ZNF782: variants seen among roughly 807,000 people sequenced by gnomAD.
ZNF782 encodes the protein zinc finger protein 782.
A neutral mutation model predicts 13.0 loss-of-function variants in ZNF782; 12 were observed. That is an observed-to-expected ratio of 0.92 (90% CI 0.59 to 1.50). The LOEUF is 1.50. ZNF782 is among the 40% of genes most tolerant of loss of function. ZNF782 has a pLI of 0.00. For synonymous variants in ZNF782, 284 were observed against 283.0 expected (o/e 1.00, Z -0.04); for missense variants, 770 against 822.9 (o/e 0.94, Z 0.79).
chr9:96,912,939 G>T, the ZNF782 span, among the ~76,000 whole-genome samples: 14,756 of 151,208 alleles, frequency 0.098, 551 homozygotes, highest in Admixed American at 0.17. Flanking sequence ...TTGCTGAGTT[G>T]TTCTTAAAAA....
At chr9:96,918,405 T>C in the ZNF782 span, among the ~76,000 whole-genome samples, 18 of 140,200 alleles carry the variant, frequency 1.3e-4, no homozygotes, top group East Asian at 3.8e-3. Context: ...GGAGGCTCCA[T>C]CTCAAAAAAA....
intron 4 of ZNF782, among the ~76,000 whole-genome samples, chr9:96,843,511 G>A (rs1386153264): frequency 6.6e-6 from 1 of 152,172 alleles, no homozygotes; most frequent in Non-Finnish European, 1.5e-5. Context: ...GCAGAGATCA[G>A]GAACAATGTG....
intron 1 of ZNF782, among the ~76,000 whole-genome samples, chr9:96,864,820 A>G (rs1200249455): frequency 1.3e-5 from 2 of 150,658 alleles, no homozygotes; most frequent in East Asian, 1.9e-4. Context: ...TCACTTGATC[A>G]CAGGAGTTTA....
Position 96,836,662 on chromosome 9 carries a change from G to A in ZNF782, c.142+8228C>T, listed in dbSNP as rs561417020. Among the ~76,000 whole-genome samples, 56 of 152,262 alleles carry A rather than the reference G, an allele frequency of 3.7e-4. No homozygotes were observed. In the South Asian group the frequency reaches 5.8e-3, roughly 16 times the overall value. On this transcript the variant is annotated intron_variant, in intron 4 of 5. Transcript: ENST00000481138. ...AGCTAGGGGCAGAATGGTATGGTTT[G>A]GGTGTGGTTCATCCCTGCAAAAACT... is the stretch of plus-strand genomic sequence containing the variant.
chr9:96,897,228 C>T, the ZNF782 span, among the ~76,000 whole-genome samples: 3 of 152,212 alleles, frequency 2.0e-5, no homozygotes, highest in Non-Finnish European at 4.4e-5. Flanking sequence ...CCAAATTCTA[C>T]ATTTGCCTCC....
intron 4 of ZNF782, among the ~76,000 whole-genome samples, chr9:96,829,200 T>C (rs1439443869): frequency 6.6e-6 from 1 of 151,128 alleles, no homozygotes; most frequent in Non-Finnish European, 1.5e-5. Context: ...CTGATTTATA[T>C]AAAAAAATTT....
chr9:96,855,304 A>G (rs190564161), upstream of ZNF782, among the ~76,000 whole-genome samples: 2 of 152,264 alleles, frequency 1.3e-5, no homozygotes, highest in Non-Finnish European at 2.9e-5. Flanking sequence ...GTTTGGTTAC[A>G]TGAGTAAGTT....
the ZNF782 span, among the ~76,000 whole-genome samples, chr9:96,930,542 A>AG: frequency 2.0e-5 from 3 of 148,356 alleles, no homozygotes; most frequent in Admixed American, 2.0e-4. Flanking sequence ...AAAAAAAGAA[A>AG]AAAAAGAAAA....
At chr9:96,931,784 G>A in the ZNF782 span, 398 of 1,611,538 alleles carry the variant, frequency 2.5e-4, no homozygotes, top group Non-Finnish European at 1.3e-4. Flanking sequence ...TGTGTTCACG[G>A]CTCTGCCCTT....
the ZNF782 span, among the ~76,000 whole-genome samples, chr9:96,912,631 C>T: frequency 2.6e-5 from 4 of 151,718 alleles, no homozygotes; most frequent in Non-Finnish European, 4.4e-5. Context: ...CGGGTTCAAG[C>T]GATTCTCCTG....
chr9:96,826,583 TAAAA>T (rs1226440253), intron 5 of ZNF782, among the ~76,000 whole-genome samples: 1 of 152,068 alleles, frequency 6.6e-6, no homozygotes, highest in Non-Finnish European at 1.5e-5. Flanking sequence ...AATAAATAAA[TAAAA>T]GAGTTGATTC....
At chr9:96,859,836 G>A (rs1851683484) in intron 3 of ZNF782, among the ~76,000 whole-genome samples, 1 of 152,150 alleles carries the variant, frequency 6.6e-6, no homozygotes. Context: ...CCTGATTCAG[G>A]CCTTGGCTCT....
chr9:96,923,781 ACACT>A, the ZNF782 span, among the ~76,000 whole-genome samples: 27 of 141,228 alleles, frequency 1.9e-4, no homozygotes, highest in African/African-American at 6.3e-4. Flanking sequence ...CCAAATATAA[ACACT>A]CACACCTACA....
chr9:96,835,696 T>C (rs1243549181), intron 4 of ZNF782, among the ~76,000 whole-genome samples: 1 of 152,178 alleles, frequency 6.6e-6, no homozygotes, highest in Non-Finnish European at 1.5e-5. Flanking sequence ...GTCCGTGTAG[T>C]GTTAATTTTG....
At chr9:96,883,481 G>C in the ZNF782 span, among the ~76,000 whole-genome samples, 1 of 152,006 alleles carries the variant, frequency 6.6e-6, no homozygotes, top group Non-Finnish European at 1.5e-5. Flanking sequence ...TGAAAATCAA[G>C]CAGGATAGGG....
chr9:96,911,460 A>AC, the ZNF782 span, among the ~76,000 whole-genome samples: 1 of 147,218 alleles, frequency 6.8e-6, no homozygotes, highest in East Asian at 2.0e-4. Context: ...AAAAAAAAAA[A>AC]AGATTGTTTT....
Position 96,829,650 on chromosome 9 carries a change from A to C in ZNF782, c.143-2469T>G, listed in dbSNP as rs150564058. Among the ~76,000 whole-genome samples, 5 of 152,306 alleles carry C rather than the reference A, an allele frequency of 3.3e-5. No individual in the cohort carries two copies. In the East Asian group the frequency reaches 9.6e-4, roughly 29 times the overall value. ...TTTACAGAACACCGATCCAAAAGGA[A>C]AACACATTATTTTCAAATACATATG... On this transcript the variant is annotated intron_variant, in intron 4 of 5. Transcript: ENST00000481138.
At chr9:96,820,598 G>A (rs1331898799) in intron 5 of ZNF782, among the ~76,000 whole-genome samples, 1 of 150,326 alleles carries the variant, frequency 6.7e-6, no homozygotes, top group Non-Finnish European at 1.5e-5. Context: ...CGCCCAGGCT[G>A]GAGTATAGTG....
the ZNF782 span, among the ~76,000 whole-genome samples, chr9:96,882,681 C>T: frequency 6.6e-6 from 1 of 152,178 alleles, no homozygotes; most frequent in South Asian, 2.1e-4. Context: ...ATCTCTTGGT[C>T]TCAGTCATGT....
Sources: gnomAD v4.1 joint callset for allele counts (sites outside exome capture counted in the v4.1 genomes callset) on GRCh38, gnomAD v4.1.1 for gene constraint, MANE v1.5 for transcripts, NCBI Gene and HGNC (gene_info 2026-07-23, HGNC 2026-07-21) for gene names.